Variants in DLGAP2 observed in about 807,000 individuals in gnomAD.
DLGAP2 encodes the protein DLG associated protein 2.
DLGAP2 carries 26 observed loss-of-function variants against 100.3 expected under a neutral mutation model. The ratio of observed to expected loss-of-function variants is 0.26; its 90% CI spans 0.19 to 0.36. The LOEUF (loss-of-function observed/expected upper bound fraction) is 0.36, where lower values mean the gene tolerates loss of function less well. DLGAP2 is among the 10% of genes least tolerant of loss of function. DLGAP2 has a pLI of 1.00. For synonymous variants in DLGAP2, 886 were observed against 630.1 expected, an observed-to-expected ratio of 1.41 and a Z score of -6.08; for missense variants, 1,858 against 1,453.2, an observed-to-expected ratio of 1.28 and a Z score of -4.53.
chr8:1,424,534 C>G (rs1250510351), intron 3 of DLGAP2, among the ~76,000 whole-genome samples: 2 of 152,270 alleles, frequency 1.3e-5, no homozygotes, highest in African/African-American at 4.8e-5. Context: ...TGGGTGAACC[C>G]TGAGGACACT....
intron 1 of DLGAP2, among the ~76,000 whole-genome samples, chr8:806,683 C>T (rs1204870025): frequency 6.6e-6 from 1 of 152,188 alleles, no homozygotes; most frequent in Non-Finnish European, 1.5e-5. Flanking sequence ...GGGAACTTTT[C>T]AGTGCATTTC....
At chr8:1,197,303 A>T (rs58154002) in intron 2 of DLGAP2, among the ~76,000 whole-genome samples, 1 of 144,376 alleles carries the variant, frequency 6.9e-6, no homozygotes, top group Non-Finnish European at 1.5e-5. Flanking sequence ...ATCCCTGTCC[A>T]TGCTGACACA....
At chr8:1,378,648 C>T (rs1423784539) in intron 3 of DLGAP2, among the ~76,000 whole-genome samples, 1 of 152,106 alleles carries the variant, frequency 6.6e-6, no homozygotes, top group African/African-American at 2.4e-5. Context: ...CTCATCTGTC[C>T]GTCCTGCACA....
chr8:1,171,549 T>C (rs576761891), intron 2 of DLGAP2, among the ~76,000 whole-genome samples: 61 of 152,124 alleles, frequency 4.0e-4, no homozygotes, highest in African/African-American at 1.4e-3. Context: ...AGGACTTGCT[T>C]TATGAATCTG....
chr8:1,197,466 A>T (rs75130822), intron 2 of DLGAP2, among the ~76,000 whole-genome samples: 4,566 of 152,338 alleles, frequency 0.03, 225 homozygotes, highest in African/African-American at 0.1. Flanking sequence ...CCCAGGGTCA[A>T]GCACTGTTTA....
intron 6 of DLGAP2, among the ~76,000 whole-genome samples, chr8:1,620,922 C>T (rs1797312385): frequency 6.6e-6 from 1 of 152,188 alleles, no homozygotes; most frequent in Admixed American, 6.5e-5. Context: ...AACTTCTCTC[C>T]CAGAATGCCT....
At chr8:1,383,607 G>C (rs1050629317) in intron 3 of DLGAP2, among the ~76,000 whole-genome samples, 7 of 152,198 alleles carry the variant, frequency 4.6e-5, no homozygotes, top group African/African-American at 1.7e-4. Flanking sequence ...AAGGCTGCTT[G>C]ATTAACGACC....
At chr8:1,677,229 C>A (rs893259014) in intron 11 of DLGAP2, among the ~76,000 whole-genome samples, 3 of 152,104 alleles carry the variant, frequency 2.0e-5, no homozygotes, top group Non-Finnish European at 4.4e-5. Context: ...CATCAGGGAG[C>A]GTTTTAGCAC....
intron 8 of DLGAP2, among the ~76,000 whole-genome samples, chr8:1,645,981 G>A (rs1371070480): frequency 6.6e-6 from 1 of 152,194 alleles, no homozygotes; most frequent in East Asian, 1.9e-4. Context: ...GGTGGTGGAG[G>A]CCGAATAATG....
At chr8:980,908 T>C (rs1219404693) in intron 2 of DLGAP2, among the ~76,000 whole-genome samples, 1 of 152,160 alleles carries the variant, frequency 6.6e-6, no homozygotes, top group African/African-American at 2.4e-5. Context: ...GACATTCGTG[T>C]GATAGTGGCA....
chr8:1,013,198 A>G (rs1801348052), intron 2 of DLGAP2, among the ~76,000 whole-genome samples: 1 of 152,126 alleles, frequency 6.6e-6, no homozygotes, highest in Admixed American at 6.5e-5. Flanking sequence ...GTCAAGGGCT[A>G]TGTGTATAGA....
At chr8:767,600 G>A (rs1282993150) in intron 1 of DLGAP2, among the ~76,000 whole-genome samples, 1 of 152,014 alleles carries the variant, frequency 6.6e-6, no homozygotes, top group South Asian at 2.1e-4. Context: ...CGTGATCCAC[G>A]TGCCTTGGCC....
intron 3 of DLGAP2, among the ~76,000 whole-genome samples, chr8:1,282,078 A>T (rs1799826446): frequency 1.0e-5 from 1 of 97,854 alleles, no homozygotes. Context: ...CACATGAACC[A>T]TCCGGACATG....
chr8:1,314,771 T>C (rs552531007), intron 3 of DLGAP2, among the ~76,000 whole-genome samples: 12 of 152,344 alleles, frequency 7.9e-5, no homozygotes, highest in African/African-American at 2.9e-4. Flanking sequence ...TTCTCTCTCT[T>C]TTCTGAATTT....
At chr8:1,379,170 A>G (rs1316840001) in intron 3 of DLGAP2, among the ~76,000 whole-genome samples, 2 of 152,282 alleles carry the variant, frequency 1.3e-5, no homozygotes, top group African/African-American at 4.8e-5. Flanking sequence ...GTGGCACGTC[A>G]GCCTCACGGG....
chr8:1,090,957 G>A (rs1804160830), intron 2 of DLGAP2, among the ~76,000 whole-genome samples: 1 of 152,118 alleles, frequency 6.6e-6, no homozygotes. Flanking sequence ...GATTACTTTG[G>A]AAGAACATCT....
At chr8:1,312,410 G>A (rs988539113) in intron 3 of DLGAP2, among the ~76,000 whole-genome samples, 16 of 152,146 alleles carry the variant, frequency 1.1e-4, no homozygotes, top group African/African-American at 3.9e-4. Context: ...CCACAGATTT[G>A]ACAACATCTT....
chr8:1,449,667 G>A lies in DLGAP2; in HGVS notation c.107-51699G>A, dbSNP rs1442968393. ...CTGGGCCACACTTGGAAAGGTCAAG[G>A]CTTCAGCAGAAGGTGGGAGCAGGGG... On this transcript the variant is annotated intron_variant, in intron 3 of 14. Transcript: ENST00000637795. Among the ~76,000 whole-genome samples the A allele has an allele frequency of 3.3e-5, 5 of 152,314 alleles. No homozygotes were observed. The East Asian group carries it at 9.6e-4, about 29-fold the overall frequency.
intron 2 of DLGAP2, among the ~76,000 whole-genome samples, chr8:954,720 G>A (rs1443808024): frequency 6.6e-6 from 1 of 152,062 alleles, no homozygotes; most frequent in African/African-American, 2.4e-5. Context: ...AAAAATCAAG[G>A]GACTAATTAG....
Sources: gnomAD v4.1 joint callset for allele counts (sites outside exome capture counted in the v4.1 genomes callset) on GRCh38, gnomAD v4.1.1 for gene constraint, MANE v1.5 for transcripts, NCBI Gene and HGNC (gene_info 2026-07-23, HGNC 2026-07-21) for gene names.